Variants in PRKAG2 observed in about 807,000 individuals in gnomAD.
PRKAG2 encodes 5'-AMP-activated protein kinase subunit gamma-2.
In PRKAG2, 26 loss-of-function variants were observed where a neutral mutation model predicts 69.6. The ratio of observed to expected loss-of-function variants is 0.37; its 90% CI spans 0.27 to 0.52. PRKAG2 has a LOEUF of 0.52. Among genes scored for constraint, PRKAG2 ranks in the 20% least tolerant of loss-of-function variants. The pLI is 0.90. For missense variants in PRKAG2, 557 were observed against 740.0 expected (o/e 0.75, Z 2.87); for synonymous variants, 293 against 285.0 (o/e 1.03, Z -0.28).
intron 5 of PRKAG2, among the ~76,000 whole-genome samples, chr7:151,628,484 C>T (rs1019756178): frequency 2.0e-4 from 31 of 152,252 alleles, no homozygotes; most frequent in African/African-American, 5.8e-4. Flanking sequence ...AGACTGCAGC[C>T]GGCAGATCAC....
intron 1 of PRKAG2, among the ~76,000 whole-genome samples, chr7:151,800,105 C>A (rs1211649955): frequency 1.3e-5 from 2 of 152,104 alleles, no homozygotes; most frequent in Non-Finnish European, 2.9e-5. Flanking sequence ...TGCCTGTAAT[C>A]CCAGCACTTT....
intron 1 of PRKAG2, among the ~76,000 whole-genome samples, chr7:151,826,566 CTCTT>C (rs2078909258): frequency 6.6e-6 from 1 of 152,170 alleles, no homozygotes; most frequent in African/African-American, 2.4e-5. Flanking sequence ...CCCTTCCTCT[CTCTT>C]TCCTTTATGA....
At chr7:151,646,750 T>C (rs1178243674) in intron 4 of PRKAG2, among the ~76,000 whole-genome samples, 1 of 152,260 alleles carries the variant, frequency 6.6e-6, no homozygotes, top group Non-Finnish European at 1.5e-5. Context: ...ATATAAAATA[T>C]GTACTATATG....
intron 14 of PRKAG2, among the ~76,000 whole-genome samples, chr7:151,562,795 G>GTAAA (rs1337826884): frequency 2.7e-5 from 4 of 149,918 alleles, no homozygotes; most frequent in Non-Finnish European, 5.9e-5. Flanking sequence ...GTGAAACCCC[G>GTAAA]TCTCTACTAA....
At chr7:151,601,181 C>T (rs1465923518) in intron 5 of PRKAG2, among the ~76,000 whole-genome samples, 1 of 152,136 alleles carries the variant, frequency 6.6e-6, no homozygotes, top group African/African-American at 2.4e-5. Context: ...TATGCATCAG[C>T]CCAGGGTGAG....
At position 151,691,392 on chromosome 7, in the gene PRKAG2, G is replaced by A. The variant is rs144898307; in HGVS notation, c.467-15755C>T. ...AACCTGCAGATATGGAGGGCTGACCGTATTGCAAAACACATATATGATAAA... is the reference window on the plus strand; with the variant it reads ...AACCTGCAGATATGGAGGGCTGACCATATTGCAAAACACATATATGATAAA... On this transcript the variant is annotated intron_variant, in intron 3 of 15. Coordinates refer to ENST00000287878, the MANE Select transcript of PRKAG2 (RefSeq NM_016203.4). Among the ~76,000 whole-genome samples the A allele has an allele frequency of 3.9e-3, 588 of 151,272 alleles. 5 individuals carry two copies. The highest frequency in any genetic ancestry group is 0.013 in the African/African-American group (518 of 41,162).
intron 4 of PRKAG2, among the ~76,000 whole-genome samples, chr7:151,658,594 T>C (rs886390140): frequency 6.6e-6 from 1 of 152,028 alleles, no homozygotes; most frequent in Non-Finnish European, 1.5e-5. Flanking sequence ...GAAAATAACA[T>C]TTTCAAAAAT....
chr7:151,571,332 C>A (rs1478491134), intron 9 of PRKAG2, among the ~76,000 whole-genome samples: 6 of 152,080 alleles, frequency 3.9e-5, no homozygotes, highest in Non-Finnish European at 7.3e-5. Context: ...CTCGGCTTCC[C>A]AAAGTGCTGG....
rs538212076 is a variant in PRKAG2 at position 151,634,731 on chromosome 7, A to T, written c.685-2593T>A. Among the ~76,000 whole-genome samples, 268 of 152,354 alleles carry T rather than the reference A, an allele frequency of 1.8e-3. 2 individuals carry two copies. Among genetic ancestry groups the T allele is most frequent in the Middle Eastern group, 3.4e-3 (1 of 294 alleles). On this transcript the variant is annotated intron_variant, in intron 4 of 15. Transcript: ENST00000287878. The stretch of plus-strand genomic sequence containing the variant: ...ACACAGAGCTGTTTCACCAAGAAAG[A>T]TATACAGATGGCAAATTAGTGCATG...
chr7:151,572,770 A>G (rs895813908), intron 8 of PRKAG2, 61 bp from the exon 9 acceptor site: 6 of 1,047,934 alleles, frequency 5.7e-6, no homozygotes, highest in Non-Finnish European at 8.4e-6. Context: ...AAATATTTGG[A>G]AAATGAAACA....
At chr7:151,664,887 G>A (rs73481947) in intron 4 of PRKAG2, among the ~76,000 whole-genome samples, 5 of 152,226 alleles carry the variant, frequency 3.3e-5, no homozygotes, top group South Asian at 4.2e-4. Context: ...AGTGGCCATC[G>A]TCATGGTTAA....
intron 3 of PRKAG2, among the ~76,000 whole-genome samples, chr7:151,714,130 C>T (rs1482946786): frequency 2.0e-5 from 3 of 152,156 alleles, no homozygotes; most frequent in Non-Finnish European, 4.4e-5. Context: ...CAGGTGATCT[C>T]CATTGGAGTA....
chr7:151,714,442 C>T (rs189039465), intron 3 of PRKAG2, among the ~76,000 whole-genome samples: 1,526 of 69,378 alleles, frequency 0.022, 21 homozygotes, highest in Non-Finnish European at 0.028. Context: ...CTCCCATCCG[C>T]GACCCGCCGT....
At chr7:151,661,461 A>C (rs376651855) in intron 4 of PRKAG2, among the ~76,000 whole-genome samples, 4 of 152,220 alleles carry the variant, frequency 2.6e-5, no homozygotes, top group Non-Finnish European at 4.4e-5. Context: ...TTGATTCAGC[A>C]CATGAAGAGG....
At chr7:151,875,236 C>G (rs371236705) in intron 1 of PRKAG2, among the ~76,000 whole-genome samples, 21 of 152,230 alleles carry the variant, frequency 1.4e-4, no homozygotes, top group African/African-American at 4.6e-4. Context: ...AGGGCTGGCC[C>G]AGGGCCCCTG....
intron 3 of PRKAG2, among the ~76,000 whole-genome samples, chr7:151,716,291 AT>A (rs1174389470): frequency 6.6e-6 from 1 of 152,238 alleles, no homozygotes. Context: ...GAAAGTGTTG[AT>A]TATGACATGT....
chr7:151,631,299 T>A (rs1459410017), intron 5 of PRKAG2, among the ~76,000 whole-genome samples: 1 of 152,234 alleles, frequency 6.6e-6, no homozygotes, highest in Non-Finnish European at 1.5e-5. Context: ...ACATTTCATT[T>A]TACATATTAA....
chr7:151,729,172 G>T (rs890327995), intron 3 of PRKAG2, among the ~76,000 whole-genome samples: 3 of 151,296 alleles, frequency 2.0e-5, no homozygotes, highest in African/African-American at 7.3e-5. Flanking sequence ...CGGACAGGGG[G>T]TGGCGGGCGG....
In PRKAG2 at chr7:151,788,445, G is replaced by A. The variant is rs78135040; in HGVS notation, c.115-1904C>T. 2.2e-3 allele frequency among the ~76,000 whole-genome samples: 328 copies of A among 152,298 alleles called. 2 individuals carry two copies. Among genetic ancestry groups the A allele is most frequent in the African/African-American group, 7.1e-3 (293 of 41,556 alleles). ...TTCAGGCCATTTGTCTGACTTGTTTGGAGAAATGTCCATTCAGGCCATTTG... is the reference window on the plus strand; with the variant it reads ...TTCAGGCCATTTGTCTGACTTGTTTAGAGAAATGTCCATTCAGGCCATTTG... On this transcript the variant is annotated intron_variant, in intron 1 of 15. Coordinates refer to ENST00000287878, the MANE Select transcript of PRKAG2 (RefSeq NM_016203.4). The surrounding 1 kb of genome is among the most constrained non-coding windows in gnomAD (Gnocchi z 4.6).
Sources: allele counts gnomAD v4.1 joint callset (sites outside exome capture counted in the v4.1 genomes callset), GRCh38; gene constraint gnomAD v4.1.1; non-coding constraint Gnocchi (gnomAD v3.1); transcripts MANE v1.5; gene names NCBI Gene and HGNC (gene_info 2026-07-23, HGNC 2026-07-21).